SRD5A3: variants seen among roughly 807,000 people sequenced by gnomAD.
SRD5A3 encodes polyprenal reductase.
SRD5A3 carries 24 observed loss-of-function variants against 34.3 expected under a neutral mutation model. The observed-to-expected ratio is 0.70, with a 90% CI of 0.51 to 0.99. SRD5A3 has a LOEUF of 0.99. SRD5A3 is among the 50% of genes least tolerant of loss of function. The pLI is 0.00. For missense variants in SRD5A3, 350 were observed against 388.2 expected (o/e 0.90, Z 0.83); for synonymous variants, 161 against 167.3 (o/e 0.96, Z 0.29).
chr4:55,346,413 T>G lies in SRD5A3; in HGVS notation c.77T>G (p.Phe26Cys), dbSNP rs1204016593. ...GTGTGGCTCACGCTGACCGCCGCCT[T>G]CCTGCTGACCCTACTGCTGCAGCTC... ...RAVWLTLTAA[F>C]LLTLLLQLLP... The change falls in exon 1 of 5, where the codon TTC (phenylalanine) becomes TGC (cysteine). Residue 26 changes from phenylalanine (F) to cysteine (C), a missense_variant. This residue lies in a region of SRD5A3 where 159 missense variants were observed against 149.1 expected (regional missense o/e 1.07). Coordinates refer to ENST00000264228, the MANE Select transcript of SRD5A3 (RefSeq NM_024592.5). The G allele has an allele frequency of 1.9e-6, 3 of 1,597,786 alleles. No homozygotes were observed. Among genetic ancestry groups the G allele is most frequent in the Non-Finnish European group, 2.6e-6 (3 of 1,173,532 alleles).
chr4:55,364,448 C>A, intron 3 of SRD5A3, 177 bp downstream of exon 3: 1 of 695,212 alleles, frequency 1.4e-6, no homozygotes, highest in Non-Finnish European at 2.5e-6. Flanking sequence ...TGGTCGCTTA[C>A]ACCTGTAATC....
chr4:55,349,074 G>C (rs546911268), intron 1 of SRD5A3, among the ~76,000 whole-genome samples: 1 of 152,000 alleles, frequency 6.6e-6, no homozygotes, highest in Non-Finnish European at 1.5e-5. Context: ...TCGCTCTGTC[G>C]CCCAGGCTGG....
intron 1 of SRD5A3, among the ~76,000 whole-genome samples, chr4:55,351,506 C>T (rs116007513): frequency 0.044 from 6,594 of 151,440 alleles, 483 homozygotes; most frequent in African/African-American, 0.15. Context: ...ACTAAAAATA[C>T]GTAAAATACA....
At chr4:55,362,910 A>G (rs1436950265) in intron 2 of SRD5A3, among the ~76,000 whole-genome samples, 1 of 149,102 alleles carries the variant, frequency 6.7e-6, no homozygotes, top group Non-Finnish European at 1.5e-5. Context: ...CAGTGGCCCA[A>G]TCTTGGCTCA....
rs892232637 is a variant in SRD5A3, at chr4:55,353,257, A to G, written c.222-6089A>G. Among the ~76,000 whole-genome samples, 21 of 152,338 alleles carry G rather than the reference A, an allele frequency of 1.4e-4. No individual in the cohort carries two copies. The East Asian group carries it at 1.9e-3, about 14-fold the overall frequency. Reference sequence around the variant, plus strand: ...TAGCTAAAGGTTTGTAAATGCACCAATCAGCACTCTGTAAAAACACACAAA... The same window carrying G: ...TAGCTAAAGGTTTGTAAATGCACCAGTCAGCACTCTGTAAAAACACACAAA... On this transcript the variant is annotated intron_variant, in intron 1 of 4. Transcript: ENST00000264228.
intron 1 of SRD5A3, among the ~76,000 whole-genome samples, chr4:55,354,424 TTG>T (rs1194580621): frequency 6.6e-6 from 1 of 152,120 alleles, no homozygotes; most frequent in Non-Finnish European, 1.5e-5. Flanking sequence ...TAAAAATAGA[TTG>T]TGTTTTAGGC....
At chr4:55,368,727 ATTAT>A (rs1170226366) in intron 4 of SRD5A3, among the ~76,000 whole-genome samples, 1 of 147,638 alleles carries the variant, frequency 6.8e-6, no homozygotes, top group Non-Finnish European at 1.5e-5. Flanking sequence ...CACCCGGCCT[ATTAT>A]TTATTTATTT....
At chr4:55,366,560 A>G (rs371809939) in intron 3 of SRD5A3, 4 of 152,264 alleles carry the variant, frequency 2.6e-5, no homozygotes, top group East Asian at 3.8e-4. Context: ...GATTGATTAT[A>G]TAAAACAAGC....
intron 1 of SRD5A3, among the ~76,000 whole-genome samples, chr4:55,350,487 G>A (rs1056862445): frequency 1.3e-5 from 2 of 152,066 alleles, no homozygotes; most frequent in African/African-American, 4.8e-5. Flanking sequence ...CTTTATGCTT[G>A]TATAATTTTT....
chr4:55,370,524 T>C lies in SRD5A3; in HGVS notation c.*433T>C. The C allele has an allele frequency of 4.9e-6, 1 of 205,366 alleles. No homozygotes were observed. Among genetic ancestry groups the C allele is most frequent in the Non-Finnish European group, 9.8e-6 (1 of 101,784 alleles). The allele number at this position is 205,366 out of a possible 1,614,324, so 12.7% of individuals were successfully genotyped here. On this transcript the variant is annotated 3_prime_UTR_variant, in exon 5 of 5. Coordinates refer to ENST00000264228, the MANE Select transcript of SRD5A3 (RefSeq NM_024592.5). The stretch of plus-strand genomic sequence containing the variant: ...AGCCTAGTAGGAATGGACTATATAA[T>C]AATATAGCAGGTGCTCAATAACTGT...
chr4:55,365,230 C>T lies in SRD5A3; in HGVS notation c.562+959C>T, dbSNP rs182525588. ...CCCTGTCCATCCTTGTAAACTCAGGCTGAGGTCTAGCGATTTCCAACAATC... is the reference window on the plus strand; with the variant it reads ...CCCTGTCCATCCTTGTAAACTCAGGTTGAGGTCTAGCGATTTCCAACAATC... On this transcript the variant is annotated intron_variant, in intron 3 of 4. Coordinates refer to ENST00000264228, the MANE Select transcript of SRD5A3 (RefSeq NM_024592.5). 3.3e-4 allele frequency among the ~76,000 whole-genome samples: 50 copies of T among 152,286 alleles called. No homozygotes were observed. In the East Asian group the frequency reaches 9.3e-3, roughly 28 times the overall value.
intron 3 of SRD5A3, among the ~76,000 whole-genome samples, 158 bp from the exon 4 acceptor site, chr4:55,367,430 T>G (rs766118932): frequency 6.6e-6 from 1 of 152,230 alleles, no homozygotes; most frequent in East Asian, 1.9e-4. Flanking sequence ...CATCGGGATA[T>G]TGAGGAACAG....
chr4:55,360,338 C>G (rs1487961616), intron 2 of SRD5A3, among the ~76,000 whole-genome samples: 1 of 151,862 alleles, frequency 6.6e-6, no homozygotes, highest in Non-Finnish European at 1.5e-5. Context: ...GAAACCCCAA[C>G]TCTACTAAAA....
chr4:55,365,373 A>G (rs1719848619), intron 3 of SRD5A3, among the ~76,000 whole-genome samples: 1 of 152,196 alleles, frequency 6.6e-6, no homozygotes, highest in South Asian at 2.1e-4. Flanking sequence ...TAAAGGATTT[A>G]TTGACGATCT....
intron 1 of SRD5A3, among the ~76,000 whole-genome samples, chr4:55,349,652 G>A (rs1048953385): frequency 7.2e-5 from 11 of 151,956 alleles, no homozygotes; most frequent in African/African-American, 2.7e-4. Context: ...GTATCATGAT[G>A]CTCTGGGTTG....
At chr4:55,363,379 A>T (rs554212977) in intron 2 of SRD5A3, among the ~76,000 whole-genome samples, 1 of 152,294 alleles carries the variant, frequency 6.6e-6, no homozygotes, top group East Asian at 1.9e-4. Context: ...AGCTGCAGTG[A>T]GGCCTGACTG....
At chr4:55,354,532 A>G (rs1719355808) in intron 1 of SRD5A3, among the ~76,000 whole-genome samples, 1 of 152,086 alleles carries the variant, frequency 6.6e-6, no homozygotes, top group South Asian at 2.1e-4. Context: ...AGTTTGCCCC[A>G]TCTGGTTCTA....
In SRD5A3 at chr4:55,372,169, T is replaced by A. The variant is rs1720153006; in HGVS notation, c.*2078T>A. ...TTGCAGTTTGGTCTTAATTTCCACA[T>A]GAATATCAAGTGTAATTTTTAATAA... On this transcript the variant is annotated 3_prime_UTR_variant, in exon 5 of 5. Coordinates refer to ENST00000264228, the MANE Select transcript of SRD5A3 (RefSeq NM_024592.5). 6.6e-6 allele frequency: 1 copy of A among 152,244 alleles called. No individual in the cohort carries two copies. 9.4% of individuals were successfully genotyped at this position (152,244 alleles called of 1,614,324 possible). A position where few individuals can be genotyped will look rare whatever the true frequency, so the allele number is the denominator to read the frequency against.
At chr4:55,362,402 A>T (rs1052712696) in intron 2 of SRD5A3, among the ~76,000 whole-genome samples, 7 of 152,034 alleles carry the variant, frequency 4.6e-5, no homozygotes, top group African/African-American at 1.7e-4. Context: ...CTGGGATTAC[A>T]GGCATGAGCC....
Sources: allele counts gnomAD v4.1 joint callset (sites outside exome capture counted in the v4.1 genomes callset), GRCh38; gene constraint gnomAD v4.1.1; regional missense constraint gnomAD v4.1.1; transcripts MANE v1.5; gene names NCBI Gene and HGNC (gene_info 2026-07-23, HGNC 2026-07-21).